The following KCTD1 variants were observed in gnomAD, a reference collection of about 807,000 sequenced individuals.
The protein encoded by KCTD1 is potassium channel tetramerization domain containing 1.
KCTD1 carries 24 observed loss-of-function variants against 66.0 expected under a neutral mutation model. The observed-to-expected ratio is 0.36, with a 90% CI of 0.26 to 0.51. KCTD1 has a LOEUF of 0.51. Ranked by LOEUF, KCTD1 falls within the 20% of genes least tolerant of loss-of-function variation. The pLI, the probability that KCTD1 is intolerant of heterozygous loss-of-function variation, is 0.95. For missense variants in KCTD1, 943 were observed against 1,205.2 expected (o/e 0.78, Z 3.22); for synonymous variants, 511 against 517.2 (o/e 0.99, Z 0.16).
chr18:26,621,645 G>A (rs1455825453), intron 1 of KCTD1, among the ~76,000 whole-genome samples: 1 of 152,204 alleles, frequency 6.6e-6, no homozygotes, highest in Admixed American at 6.5e-5. Flanking sequence ...CAGAGCCGCG[G>A]TGAACGCCAA....
chr18:26,617,867 GGGAGGGAGGGA>G (rs1987290272), intron 1 of KCTD1, among the ~76,000 whole-genome samples: 1 of 139,520 alleles, frequency 7.2e-6, no homozygotes, highest in Admixed American at 7.1e-5. Context: ...GAGGGAGGGA[GGGAGGGAGGGA>G]GGGAAGGAGG....
intron 1 of KCTD1, among the ~76,000 whole-genome samples, chr18:26,614,905 G>A (rs1397506883): frequency 6.6e-6 from 1 of 152,176 alleles, no homozygotes; most frequent in East Asian, 1.9e-4. Flanking sequence ...ATACTTAGTA[G>A]CTTTCACTAA....
intron 1 of KCTD1, among the ~76,000 whole-genome samples, chr18:26,605,076 GGA>G (rs1355439396): frequency 6.6e-6 from 1 of 152,088 alleles, no homozygotes; most frequent in African/African-American, 2.4e-5. Context: ...GGGTAGAGAA[GGA>G]AAAAGAAACA....
chr18:26,475,474 G>A (rs545858370), intron 3 of KCTD1, among the ~76,000 whole-genome samples: 7 of 152,148 alleles, frequency 4.6e-5, no homozygotes, highest in South Asian at 2.1e-4. Flanking sequence ...CTTGTTTCTC[G>A]TTAGGTTTAT....
At chr18:26,518,246 G>A (rs1181990719) in intron 1 of KCTD1, among the ~76,000 whole-genome samples, 1 of 152,034 alleles carries the variant, frequency 6.6e-6, no homozygotes, top group Non-Finnish European at 1.5e-5. Flanking sequence ...AAACACTTTA[G>A]TATGGAGAAT....
intron 3 of KCTD1, among the ~76,000 whole-genome samples, chr18:26,470,127 C>T (rs1166377075): frequency 1.7e-4 from 26 of 152,176 alleles, no homozygotes; most frequent in Admixed American, 1.7e-3. Flanking sequence ...CCCATCCATG[C>T]GTTCATTCAC....
At chr18:26,509,366 ATT>A (rs1363531505) in intron 1 of KCTD1, among the ~76,000 whole-genome samples, 3 of 151,948 alleles carry the variant, frequency 2.0e-5, no homozygotes, top group Admixed American at 1.3e-4. Flanking sequence ...GAGACTACTT[ATT>A]CTTTTTTTTA....
At chr18:26,583,393 C>CAAAAAAAAAAAAAAAAAAA (rs55720907) in intron 1 of KCTD1, among the ~76,000 whole-genome samples, 38 of 83,814 alleles carry the variant, frequency 4.5e-4, no homozygotes, top group Non-Finnish European at 6.5e-4. Context: ...GACTTTGTCT[C>CAAAAAAAAAAAAAAAAAAA]AAAAAAAAAA....
chr18:26,470,315 G>A (rs541195303), intron 3 of KCTD1, among the ~76,000 whole-genome samples: 16 of 152,196 alleles, frequency 1.1e-4, no homozygotes, highest in Non-Finnish European at 2.1e-4. Flanking sequence ...CCAAGGAGAG[G>A]CTCCGTTCTG....
At chr18:26,483,368 A>G (rs1981747628) in intron 2 of KCTD1, among the ~76,000 whole-genome samples, 2 of 152,220 alleles carry the variant, frequency 1.3e-5, no homozygotes, top group Non-Finnish European at 2.9e-5. Flanking sequence ...TCCTGGGTCA[A>G]AGTGATTCTC....
At chr18:26,573,256 G>T (rs1299033468) in intron 1 of KCTD1, among the ~76,000 whole-genome samples, 1 of 152,110 alleles carries the variant, frequency 6.6e-6, no homozygotes, top group African/African-American at 2.4e-5. Flanking sequence ...GAGGCTGGGG[G>T]GAGGGGAGAA....
intron 1 of KCTD1, among the ~76,000 whole-genome samples, chr18:26,538,344 G>A (rs1157436895): frequency 6.6e-6 from 1 of 152,120 alleles, no homozygotes; most frequent in African/African-American, 2.4e-5. Context: ...TAAATCCCAC[G>A]TGGGCCACAG....
chr18:26,644,951 C>G (rs1167693306), upstream of KCTD1, among the ~76,000 whole-genome samples: 1 of 152,224 alleles, frequency 6.6e-6, no homozygotes, highest in South Asian at 2.1e-4. Flanking sequence ...GTGTCCATGA[C>G]AGTGGGTTGC....
intron 1 of KCTD1, among the ~76,000 whole-genome samples, chr18:26,584,364 A>G (rs1319707000): frequency 1.3e-5 from 2 of 152,226 alleles, no homozygotes; most frequent in Non-Finnish European, 2.9e-5. Flanking sequence ...TACATGTTGA[A>G]AATAATTTTG....
chr18:26,547,114 C>A lies in KCTD1; in HGVS notation c.1423G>T (p.Ala475Ser). 1 of 1,549,412 alleles carries A rather than the reference C, an allele frequency of 6.5e-7. No individual in the cohort carries two copies. Among genetic ancestry groups the A allele is most frequent in the Non-Finnish European group, 8.7e-7 (1 of 1,146,784 alleles). ...AGIGTKLGSP[A>S]PQGCYAEALN... ...GCCTCGGCGTAGCAGCCCTGCGGGG[C>A]GGGCGAGCCCAGCTTGGTGCCAATG... The change falls in exon 1 of 5, where the codon GCC becomes TCC. Residue 475 changes from alanine (A) to serine (S), a missense_variant. By Grantham distance (99) the Ala-to-Ser change is moderately conservative. This residue lies in a region of KCTD1 where 197 missense variants were observed against 182.7 expected (regional missense o/e 1.08). Coordinates refer to ENST00000580059, the MANE Select transcript of KCTD1 (RefSeq NM_001142730.3).
chr18:26,623,058 T>C (rs75662793), intron 1 of KCTD1, among the ~76,000 whole-genome samples: 10,092 of 151,632 alleles, frequency 0.067, 827 homozygotes, highest in African/African-American at 0.2. Flanking sequence ...TTGTTTTCAT[T>C]TTTAATGTCT....
chr18:26,644,817 G>A (rs1253716712), upstream of KCTD1, among the ~76,000 whole-genome samples: 1 of 152,036 alleles, frequency 6.6e-6, no homozygotes, highest in Non-Finnish European at 1.5e-5. Context: ...ACTGCAGACT[G>A]CACTGAGGTT....
chr18:26,524,342 A>C (rs998029801), intron 1 of KCTD1, among the ~76,000 whole-genome samples: 1 of 152,234 alleles, frequency 6.6e-6, no homozygotes. Context: ...GAAAGAGACA[A>C]GACTCCCAAA....
chr18:26,632,985 A>G (rs1252758754), upstream of KCTD1, among the ~76,000 whole-genome samples: 1 of 152,148 alleles, frequency 6.6e-6, no homozygotes, highest in Admixed American at 6.5e-5. Flanking sequence ...TTTCATAAGG[A>G]ATACATTTAT....
Sources: allele counts gnomAD v4.1 joint callset (sites outside exome capture counted in the v4.1 genomes callset), GRCh38; gene constraint gnomAD v4.1.1; regional missense constraint gnomAD v4.1.1; transcripts MANE v1.5; gene names NCBI Gene and HGNC (gene_info 2026-07-23, HGNC 2026-07-21).